ANGPTL8: variants seen among roughly 807,000 people sequenced by gnomAD.
The protein encoded by ANGPTL8 is angiopoietin like 8.
In ANGPTL8, 24 loss-of-function variants were observed where a neutral mutation model predicts 22.6. That is an observed-to-expected ratio of 1.06 (90% CI 0.77 to 1.49). The LOEUF (loss-of-function observed/expected upper bound fraction) is 1.49. Among genes scored for constraint, ANGPTL8 ranks in the 40% most tolerant of loss-of-function variants. The pLI is 0.00. For synonymous variants in ANGPTL8, 88 were observed against 113.4 expected, an observed-to-expected ratio of 0.78 and a Z score of 1.42; for missense variants, 230 against 259.6, an observed-to-expected ratio of 0.89 and a Z score of 0.78.
At position 11,241,451 on chromosome 19, in the gene ANGPTL8, G is replaced by C. The variant is rs778603926; in HGVS notation, c.466G>C (p.Ala156Pro). 2 of 1,548,370 alleles carry C rather than the reference G, an allele frequency of 1.3e-6. No homozygotes were observed. Among genetic ancestry groups the C allele is most frequent in the East Asian group, 4.9e-5 (2 of 40,872 alleles). ...YREFEVLKAH[A>P]DKQSHILWAL... ...TCCATTCTGACCCCCACAGGCTCAC[G>C]CTGACAAGCAGAGCCACATCCTATG... Residue 156 changes from alanine to proline, a missense_variant, in exon 3 of 4, where the codon GCT (alanine) becomes CCT (proline). By Grantham distance (27) the Ala-to-Pro change is conservative (BLOSUM62 -1). Coordinates refer to ENST00000252453, the MANE Select transcript of ANGPTL8 (RefSeq NM_018687.7).
Position 11,239,935 on chromosome 19 carries a change from G to A in ANGPTL8, c.297+1G>A, listed in dbSNP as rs746995630. ...TCGGGCAAGCCTGTTGGAGACTCAGGTGGGCACCGTAGCTGCGACACTGTG... is the reference window on the plus strand; with the variant it reads ...TCGGGCAAGCCTGTTGGAGACTCAGATGGGCACCGTAGCTGCGACACTGTG... On this transcript the variant is annotated splice_donor_variant, in intron 1 of 3. Transcript: ENST00000252453. LOFTEE classifies it high-confidence loss of function. 4.2e-5 allele frequency: 66 copies of A among 1,579,130 alleles called. No individual in the cohort carries two copies. The highest frequency in any genetic ancestry group is 5.6e-5 in the Non-Finnish European group (65 of 1,162,746).
chr19:11,240,087 C>A lies in ANGPTL8; in HGVS notation c.298-48C>A, dbSNP rs574103768. ...AAACTCAGGCAAGTCCTTAGGTACA[C>A]AAAGATGAGTTGGACATCCTACTAG... On this transcript the variant is annotated intron_variant, in intron 1 of 3. Coordinates refer to ENST00000252453, the MANE Select transcript of ANGPTL8 (RefSeq NM_018687.7). 8 of 1,550,530 alleles carry A rather than the reference C, an allele frequency of 5.2e-6. No individual in the cohort carries two copies. The South Asian group carries it at 8.3e-5, about 16-fold the overall frequency.
rs759226211 is a variant in ANGPTL8, at chr19:11,239,871, G to A, written c.234G>A (p.Gly78=). The part of the protein sequence containing the change: ...GLYGRTIELL[G]QEVSRGRDAA... ...ATGGCCGCACAATAGAACTCCTGGG[G>A]CAGGAGGTCAGCCGGGGCCGGGATG... Residue 78 remains glycine, a synonymous_variant, in exon 1 of 4, where the codon GGG becomes GGA. Coordinates refer to ENST00000252453, the MANE Select transcript of ANGPTL8 (RefSeq NM_018687.7). The A allele has an allele frequency of 1.9e-6, 3 of 1,597,862 alleles. No individual in the cohort carries two copies. Among genetic ancestry groups the A allele is most frequent in the Non-Finnish European group, 2.6e-6 (3 of 1,172,546 alleles).
intron 2 of ANGPTL8, 66 bp downstream of exon 2, chr19:11,240,362 C>G: frequency 6.9e-7 from 1 of 1,447,134 alleles, no homozygotes; most frequent in Non-Finnish European, 9.1e-7. Context: ...GCTTCTGCAC[C>G]TTGAGTCCCA....
chr19:11,239,784 C>T lies in ANGPTL8; in HGVS notation c.147C>T (p.Leu49=), dbSNP rs756488531. The change falls in exon 1 of 4, where the codon CTC becomes CTT. Residue 49 remains leucine, a synonymous_variant. Transcript: ENST00000252453. The part of the protein sequence containing the change: ...FHGTLQLGQA[L]NGVYRTTEGR... The stretch of plus-strand genomic sequence containing the variant: ...GGACCCTGCAGCTGGGCCAGGCCCT[C>T]AACGGTGTGTACAGGACCACGGAGG... 6.2e-7 allele frequency: 1 copy of T among 1,609,894 alleles called. No individual in the cohort carries two copies. The highest frequency in any genetic ancestry group is 1.1e-5 in the South Asian group (1 of 90,416).
In ANGPTL8 at chr19:11,241,828, C is replaced by A; in HGVS notation, c.*141C>A. 8 of 1,417,560 alleles carry A rather than the reference C, an allele frequency of 5.6e-6. No homozygotes were observed. The highest frequency in any genetic ancestry group is 7.7e-6 in the Non-Finnish European group (8 of 1,032,520). 87.8% of individuals were successfully genotyped at this position (1,417,560 alleles called of 1,614,324 possible). A position where few individuals can be genotyped will look rare whatever the true frequency, so the allele number is the denominator to read the frequency against. On this transcript the variant is annotated 3_prime_UTR_variant, in exon 4 of 4. Transcript: ENST00000252453. ...CCCACTTCTGAGCACAGAGCAGAGA[C>A]AGACGCAGGCGGGGACAAAGGCAGA...
chr19:11,239,850 C>A lies in ANGPTL8; in HGVS notation c.213C>A (p.Gly71=). ...TKARNSLGLY[G]RTIELLGQEV... is the part of the protein sequence containing the mutation. ...CCAGGAACAGCCTGGGTCTCTATGG[C>A]CGCACAATAGAACTCCTGGGGCAGG... The change falls in exon 1 of 4, where the codon GGC becomes GGA. Residue 71 remains glycine, a synonymous_variant. Coordinates refer to ENST00000252453, the MANE Select transcript of ANGPTL8 (RefSeq NM_018687.7). 6.3e-7 allele frequency: 1 copy of A among 1,599,930 alleles called. No individual in the cohort carries two copies. The highest frequency in any genetic ancestry group is 8.5e-7 in the Non-Finnish European group (1 of 1,173,650).
At position 11,241,910 on chromosome 19, in the gene ANGPTL8, A is replaced by G; in HGVS notation, c.*223A>G. ...AGGACATGTACCCTTTCATGCCTAC[A>G]CACCCCTCATTAAAGCAGAGTCGTG... is the stretch of plus-strand genomic sequence containing the variant. On this transcript the variant is annotated 3_prime_UTR_variant, in exon 4 of 4. Transcript: ENST00000252453. 3.8e-6 allele frequency: 5 copies of G among 1,298,778 alleles called. No homozygotes were observed. The South Asian group carries it at 7.0e-5, about 18-fold the overall frequency. 80.5% of individuals were successfully genotyped at this position (1,298,778 alleles called of 1,614,324 possible).
rs1383647110 is a variant in ANGPTL8 at position 11,241,506 on chromosome 19, G to C, written c.521G>C (p.Arg174Thr). The C allele has an allele frequency of 3.2e-6, 5 of 1,552,868 alleles. No homozygotes were observed. Among genetic ancestry groups the C allele is most frequent in the East Asian group, 2.4e-5 (1 of 41,002 alleles). ...WALTGHVQRQ[R>T]REMVAQQHRL... ...CTCACAGGCCACGTGCAGCGGCAGAGGCGGGAGATGGTGGCACAGCAGCAT... is the reference window on the plus strand; with the variant it reads ...CTCACAGGCCACGTGCAGCGGCAGACGCGGGAGATGGTGGCACAGCAGCAT... Residue 174 changes from arginine (R) to threonine (T), a missense_variant, in exon 3 of 4, where the codon AGG (arginine) becomes ACG (threonine). By Grantham distance (71) the Arg-to-Thr change is moderately conservative. Coordinates refer to ENST00000252453, the MANE Select transcript of ANGPTL8 (RefSeq NM_018687.7).
chr19:11,239,998 G>C, intron 1 of ANGPTL8, 64 bp downstream of exon 1: 1 of 1,550,370 alleles, frequency 6.5e-7, no homozygotes, highest in Non-Finnish European at 8.7e-7. Context: ...CGTGTCTAGG[G>C]TAACCAACCA....
chr19:11,240,401 T>C, intron 2 of ANGPTL8, 105 bp downstream of exon 2: 1 of 1,200,068 alleles, frequency 8.3e-7, no homozygotes, highest in Non-Finnish European at 1.1e-6. Context: ...CTCCCAGCTC[T>C]GTGGCCTCTA....
chr19:11,240,185 G>A lies in ANGPTL8; in HGVS notation c.348G>A (p.Leu116=), dbSNP rs781607752. 5 of 1,554,282 alleles carry A rather than the reference G, an allele frequency of 3.2e-6. No individual in the cohort carries two copies. In the African/African-American group the frequency reaches 4.1e-5, roughly 13 times the overall value. ...AGGCAGAGGCCACAGCTGAGGTGCT[G>A]GGGGAGGTGGCCCAGGCACAGAAGG... ...QLQAEATAEV[L]GEVAQAQKVL... is the part of the protein sequence containing the mutation. The change falls in exon 2 of 4, where the codon CTG becomes CTA. Residue 116 remains leucine (L), a synonymous_variant. Coordinates refer to ENST00000252453, the MANE Select transcript of ANGPTL8 (RefSeq NM_018687.7).
rs200010590 is a variant in ANGPTL8, at chr19:11,239,670, C to T, written c.33C>T (p.Ala11=). 41 of 1,613,656 alleles carry T rather than the reference C, an allele frequency of 2.5e-5. No homozygotes were observed. The highest frequency in any genetic ancestry group is 3.4e-5 in the Non-Finnish European group (40 of 1,179,866). ...TGCCTGCTCTGTGCCTGCTCTGGGCCCTGGCAATGGTGACCCGGCCTGCCT... is the reference window on the plus strand; with the variant it reads ...TGCCTGCTCTGTGCCTGCTCTGGGCTCTGGCAATGGTGACCCGGCCTGCCT... MPVPALCLLW[A]LAMVTRPASA... The change falls in exon 1 of 4, where the codon GCC becomes GCT. Residue 11 remains alanine, a synonymous_variant. Coordinates refer to ENST00000252453, the MANE Select transcript of ANGPTL8 (RefSeq NM_018687.7).
At chr19:11,239,982 G>T in intron 1 of ANGPTL8, 48 bp downstream of exon 1, 1 of 1,553,904 alleles carries the variant, frequency 6.4e-7, no homozygotes, top group South Asian at 1.2e-5. Flanking sequence ...AGTCCAAAGA[G>T]GAGTTCGTGT....
At position 11,241,439 on chromosome 19, in the gene ANGPTL8, C is replaced by A. The variant is rs757450296; in HGVS notation, c.460-6C>A. On this transcript the variant is annotated splice_region_variant and splice_polypyrimidine_tract_variant and intron_variant, in intron 2 of 3. Transcript: ENST00000252453. ...TCGGCTGAGGTTTCCATTCTGACCCCCACAGGCTCACGCTGACAAGCAGAG... is the reference window on the plus strand; with the variant it reads ...TCGGCTGAGGTTTCCATTCTGACCCACACAGGCTCACGCTGACAAGCAGAG... 11 of 1,543,738 alleles carry A rather than the reference C, an allele frequency of 7.1e-6. No homozygotes were observed. Among genetic ancestry groups the A allele is most frequent in the Non-Finnish European group, 9.6e-6 (11 of 1,141,396 alleles).
In ANGPTL8 at chr19:11,241,681, A is replaced by G. The variant is rs1442029536; in HGVS notation, c.591A>G (p.Pro197=). Residue 197 remains proline, a synonymous_variant, in exon 4 of 4, where the codon CCA becomes CCG. Transcript: ENST00000252453. ...CCAGACTCCACACAGCGGCGCTCCC[A>G]GCCTGAATCTGCCTGGATGGAACTG... ...IQERLHTAAL[P]A is the part of the protein sequence containing the mutation. 1 of 1,583,686 alleles carries G rather than the reference A, an allele frequency of 6.3e-7. No homozygotes were observed. Among genetic ancestry groups the G allele is most frequent in the East Asian group, 2.3e-5 (1 of 42,974 alleles).
rs1315921083 is a variant in ANGPTL8 at position 11,241,865 on chromosome 19, C to T, written c.*178C>T. 1 of 1,290,012 alleles carries T rather than the reference C, an allele frequency of 7.8e-7. No individual in the cohort carries two copies. The highest frequency in any genetic ancestry group is 1.1e-6 in the Non-Finnish European group (1 of 925,856). The allele number at this position is 1,290,012 out of a possible 1,614,324, so 79.9% of individuals were successfully genotyped here. On this transcript the variant is annotated 3_prime_UTR_variant, in exon 4 of 4. Transcript: ENST00000252453. ...GGGACAAAGGCAGAGGATGTAGCCC[C>T]ATTGGGGAGGGGTGGAGGAAGGACA...
In ANGPTL8 at chr19:11,241,791, A is replaced by G. The variant is rs1336710222; in HGVS notation, c.*104A>G. The stretch of plus-strand genomic sequence containing the variant: ...AGCTGCCTGTTCACTGGGATCAGCC[A>G]GGGCGCCGGGCCCCACTTCTGAGCA... On this transcript the variant is annotated 3_prime_UTR_variant, in exon 4 of 4. Coordinates refer to ENST00000252453, the MANE Select transcript of ANGPTL8 (RefSeq NM_018687.7). The G allele has an allele frequency of 6.6e-7, 1 of 1,524,418 alleles. No homozygotes were observed. The highest frequency in any genetic ancestry group is 8.9e-7 in the Non-Finnish European group (1 of 1,124,642). 94.4% of individuals were successfully genotyped at this position (1,524,418 alleles called of 1,614,324 possible).
chr19:11,240,797 T>C (rs565164539), intron 2 of ANGPTL8, among the ~76,000 whole-genome samples: 20 of 151,210 alleles, frequency 1.3e-4, no homozygotes, highest in African/African-American at 4.8e-4. Flanking sequence ...CTCGAACTCC[T>C]GACCTCAAGG....
Sources: gnomAD v4.1 joint callset for allele counts (sites outside exome capture counted in the v4.1 genomes callset) on GRCh38, gnomAD v4.1.1 for gene constraint, MANE v1.5 for transcripts, NCBI Gene and HGNC (gene_info 2026-07-23, HGNC 2026-07-21) for gene names.